LRPAP1: variants seen among roughly 807,000 people sequenced by gnomAD.
LRPAP1 encodes the protein alpha-2-macroglobulin receptor-associated protein.
Under a neutral mutation model 39.9 loss-of-function variants are expected in LRPAP1, and 41 were observed. The ratio of observed to expected loss-of-function variants is 1.03; its 90% CI spans 0.80 to 1.33. The LOEUF is 1.33. LRPAP1 is among the 40% of genes most tolerant of loss of function. The pLI is 0.00. For synonymous variants in LRPAP1, 263 were observed against 212.7 expected (o/e 1.24, Z -2.06); for missense variants, 565 against 482.3 (o/e 1.17, Z -1.61).
intron 2 of LRPAP1, 126 bp downstream of exon 2, chr4:3,524,781 A>T: frequency 9.2e-7 from 1 of 1,090,444 alleles, no homozygotes; most frequent in Admixed American, 1.9e-5. Flanking sequence ...CATTTTGGAT[A>T]TCCAGATTAA....
rs1313731638 is a variant in LRPAP1 at position 3,522,649 on chromosome 4, CTGGGGAGGACGGACGCCG to C, written c.349+2240_349+2257del. ...ACAGACGCCGCCCCACACCCCCTGCCTGGGGAGGACGGACGCCGCCCCACACCCCCTGCCTGGGGAGGA... is the reference window on the plus strand; with the variant it reads ...ACAGACGCCGCCCCACACCCCCTGCCCCCCACACCCCCTGCCTGGGGAGGA... On this transcript the variant is annotated intron_variant, in intron 2 of 7. Coordinates refer to ENST00000650182, the MANE Select transcript of LRPAP1 (RefSeq NM_002337.4). Among the ~76,000 whole-genome samples, 40 of 119,888 alleles carry C rather than the reference CTGGGGAGGACGGACGCCG, an allele frequency of 3.3e-4. 1 individual carries two copies. The highest frequency in any genetic ancestry group is 1.3e-3 in the South Asian group (4 of 3,168). The allele number at this position is 119,888 out of a possible 152,430, so 78.7% of individuals were successfully genotyped here. A position where few individuals can be genotyped will look rare whatever the true frequency, so the allele number is the denominator to read the frequency against.
chr4:3,521,308 G>A (rs997991397), intron 2 of LRPAP1, among the ~76,000 whole-genome samples: 3 of 152,094 alleles, frequency 2.0e-5, no homozygotes, highest in African/African-American at 7.2e-5. Flanking sequence ...GCCTCCCTTC[G>A]CCTCACACTT....
intron 2 of LRPAP1, among the ~76,000 whole-genome samples, chr4:3,520,900 G>A (rs1054358583): frequency 6.6e-6 from 1 of 152,258 alleles, no homozygotes; most frequent in African/African-American, 2.4e-5. Context: ...GCATCTGTGG[G>A]CTGTGTCTGT....
rs759003754 is a variant in LRPAP1, at chr4:3,532,169, G to A, written c.204+40C>T. On this transcript the variant is annotated intron_variant, in intron 1 of 7. Transcript: ENST00000650182. ...TCCAACGACCCCAACCACGGCCCCC[G>A]CCCCCAGGCCCCGCTCCACCGACCG... 1.4e-5 allele frequency: 21 copies of A among 1,501,112 alleles called. No homozygotes were observed. In the Middle Eastern group the frequency reaches 5.8e-4, roughly 42 times the overall value. The allele number at this position is 1,501,112 out of a possible 1,614,324, so 93.0% of individuals were successfully genotyped here.
At chr4:3,526,966 T>C (rs954673039) in intron 1 of LRPAP1, among the ~76,000 whole-genome samples, 1 of 152,138 alleles carries the variant, frequency 6.6e-6, no homozygotes, top group Non-Finnish European at 1.5e-5. Flanking sequence ...AGATCCCCAA[T>C]GGTAAAAAGA....
intron 3 of LRPAP1, 140 bp from the exon 4 acceptor site, chr4:3,519,131 A>C: frequency 7.1e-7 from 1 of 1,413,680 alleles, no homozygotes; most frequent in Non-Finnish European, 9.4e-7. Flanking sequence ...CACGAAGGGC[A>C]GGAAAACAAA....
chr4:3,530,852 G>C (rs1306638367), intron 1 of LRPAP1, among the ~76,000 whole-genome samples: 1 of 152,146 alleles, frequency 6.6e-6, no homozygotes, highest in African/African-American at 2.4e-5. Context: ...GGAGCCGCTG[G>C]GGTTCCTGGG....
At position 3,514,974 on chromosome 4, in the gene LRPAP1, C is replaced by T. The variant is rs1729649074; in HGVS notation, c.835-46G>A. ...GTGAGTGTTCCCTTCCCGTGCTCGC[C>T]ACGCCATCTTGTGGTCCCGGGTGAA... On this transcript the variant is annotated intron_variant, in intron 6 of 7. Transcript: ENST00000650182. The T allele has an allele frequency of 4.4e-6, 7 of 1,595,452 alleles. 1 individual carries two copies. In the Admixed American group the frequency reaches 1.2e-4, roughly 27 times the overall value.
intron 2 of LRPAP1, among the ~76,000 whole-genome samples, chr4:3,522,616 T>C (rs189318283): frequency 0.47 from 59,619 of 126,556 alleles, 20,113 homozygotes; most frequent in East Asian, 0.7. Flanking sequence ...ACCCCCTGCC[T>C]GGGGAGGACA....
At chr4:3,525,886 G>C (rs1354282744) in intron 1 of LRPAP1, among the ~76,000 whole-genome samples, 1 of 152,262 alleles carries the variant, frequency 6.6e-6, no homozygotes, top group African/African-American at 2.4e-5. Context: ...AGGCGGCCGA[G>C]GCAAGCAGCA....
In LRPAP1 at chr4:3,507,332, T is replaced by C. The variant is rs932402382; in HGVS notation, c.*5642A>G. On this transcript the variant is annotated 3_prime_UTR_variant, in exon 8 of 8. Transcript: ENST00000650182. ...GCCAAGAGCAGACAAAAAGGTGTCA[T>C]GCCTCTGGCACCAGGGAAGTGCAAG... 3.3e-5 allele frequency: 5 copies of C among 152,358 alleles called. No homozygotes were observed. Among genetic ancestry groups the C allele is most frequent in the Admixed American group, 2.0e-4 (3 of 15,306 alleles). The allele number at this position is 152,358 out of a possible 1,614,324, so 9.4% of individuals were successfully genotyped here.
chr4:3,520,776 A>G (rs1401730593), intron 2 of LRPAP1, among the ~76,000 whole-genome samples: 1 of 152,238 alleles, frequency 6.6e-6, no homozygotes, highest in Non-Finnish European at 1.5e-5. Context: ...AGTTACTGGT[A>G]GCAGCCAGGA....
chr4:3,532,338 G>A lies in LRPAP1; in HGVS notation c.75C>T (p.Pro25=). The A allele has an allele frequency of 2.5e-6, 4 of 1,591,520 alleles. No individual in the cohort carries two copies. The highest frequency in any genetic ancestry group is 3.4e-6 in the Non-Finnish European group (4 of 1,169,308). ...TGCCGCCGTGGCTCGCAGCGGGCCA[G>A]GGCCCGAGGAAGAGCAGCAGCAGTA... ...ALLLLLLFLG[P]WPAASHGGKY... is the part of the protein sequence containing the mutation. Residue 25 remains proline (P), a synonymous_variant, in exon 1 of 8, where the codon CCC becomes CCT. Transcript: ENST00000650182.
In LRPAP1 at chr4:3,509,034, AGCACC is replaced by A. The variant is rs1324634425; in HGVS notation, c.*3935_*3939del. 7 of 152,288 alleles carry A rather than the reference AGCACC, an allele frequency of 4.6e-5. No homozygotes were observed. In the East Asian group the frequency reaches 1.2e-3, roughly 25 times the overall value. The allele number at this position is 152,288 out of a possible 1,614,324, so 9.4% of individuals were successfully genotyped here. A position where few individuals can be genotyped will look rare whatever the true frequency, so the allele number is the denominator to read the frequency against. ...GCGGGAGTTTAGGGCACAGGATTAA[AGCACC>A]ACGCACAGGTGACAAATGAAATAAA... On this transcript the variant is annotated 3_prime_UTR_variant, in exon 8 of 8. Transcript: ENST00000650182.
At position 3,532,197 on chromosome 4, in the gene LRPAP1, G is replaced by A. The variant is rs774165736; in HGVS notation, c.204+12C>T. ...CCCAGGCCCCGCTCCACCGACCGCG[G>A]GCCGCGCTCACTCGCTGGGCCTTCT... On this transcript the variant is annotated intron_variant, in intron 1 of 7. Transcript: ENST00000650182. The A allele has an allele frequency of 1.6e-4, 253 of 1,546,450 alleles. No homozygotes were observed. Among genetic ancestry groups the A allele is most frequent in the Non-Finnish European group, 2.1e-4 (239 of 1,144,632 alleles).
Position 3,514,870 on chromosome 4 carries a change from A to G in LRPAP1, c.893T>C (p.Leu298Pro). 1.9e-6 allele frequency: 3 copies of G among 1,613,850 alleles called. No homozygotes were observed. The highest frequency in any genetic ancestry group is 2.5e-6 in the Non-Finnish European group (3 of 1,179,898). The change falls in exon 7 of 8, where the codon CTG (leucine) becomes CCG (proline). Residue 298 changes from leucine (L) to proline (P), a missense_variant. Physicochemically the swap from Leu to Pro is moderately conservative, Grantham distance 98. Transcript: ENST00000650182. ...IEKHNHYQKQ[L>P]EIAHEKLRHA... is the part of the protein sequence containing the mutation. ...CCTCAGCTTCTCGTGCGCAATCTCC[A>G]GCTGCTTCTGGTAGTGGTTGTGCTT...
At chr4:3,523,330 G>C (rs1730775) in intron 2 of LRPAP1, among the ~76,000 whole-genome samples, 6 of 152,092 alleles carry the variant, frequency 3.9e-5, no homozygotes, top group Non-Finnish European at 5.9e-5. Flanking sequence ...TGGTGGGGAC[G>C]CAACCATCCA....
intron 1 of LRPAP1, among the ~76,000 whole-genome samples, chr4:3,529,330 A>AC (rs1413868271): frequency 6.6e-6 from 1 of 151,224 alleles, no homozygotes; most frequent in African/African-American, 2.5e-5. Flanking sequence ...CTCAAAAAAA[A>AC]CAAAAAAACA....
At chr4:3,523,371 G>T (rs1729979044) in intron 2 of LRPAP1, among the ~76,000 whole-genome samples, 1 of 152,212 alleles carries the variant, frequency 6.6e-6, no homozygotes, top group South Asian at 2.1e-4. Context: ...CTCTTCCCCA[G>T]GCAGTCCCTG....
Sources: gnomAD v4.1 joint callset for allele counts (sites outside exome capture counted in the v4.1 genomes callset) on GRCh38, gnomAD v4.1.1 for gene constraint, MANE v1.5 for transcripts, NCBI Gene and HGNC (gene_info 2026-07-23, HGNC 2026-07-21) for gene names.